PIEZO2: variants seen among roughly 807,000 people sequenced by gnomAD.
PIEZO2 encodes piezo type mechanosensitive ion channel component 2, also known as piezo-type mechanosensitive ion channel component 2.
A neutral mutation model predicts 337.3 loss-of-function variants in PIEZO2; 172 were observed. The ratio of observed to expected loss-of-function variants is 0.51; its 90% confidence interval spans 0.45 to 0.58. The LOEUF is 0.58. Among genes scored for constraint, PIEZO2 ranks in the 20% least tolerant of loss-of-function variants. The pLI is 0.00. For missense variants in PIEZO2, 3,028 were observed against 3,391.3 expected (o/e 0.89, Z 2.66); for synonymous variants, 1,251 against 1,228.5 (o/e 1.02, Z -0.38).
intron 40 of PIEZO2, among the ~76,000 whole-genome samples, chr18:10,706,993 C>T (rs892481529): frequency 3.3e-5 from 5 of 152,132 alleles, no homozygotes; most frequent in African/African-American, 7.2e-5. Context: ...CTTGGCAGAG[C>T]GGCTCACGGC....
Position 10,682,299 on chromosome 18 carries a change from CAG to C in PIEZO2, c.7498-9_7498-8del. On this transcript the variant is annotated splice_polypyrimidine_tract_variant and splice_region_variant and intron_variant, in intron 49 of 55. Transcript: ENST00000674853. The surrounding 1 kb of genome is among the most constrained non-coding windows in gnomAD (Gnocchi z 5.6). ...CCCGTGGCTGAGGGTATCTCTGCAA[CAG>C]AGAGTTCAGACAAGGCTCAGGCTCA... 3 of 1,531,740 alleles carry C rather than the reference CAG, an allele frequency of 2.0e-6. No individual in the cohort carries two copies. The highest frequency in any genetic ancestry group is 2.6e-6 in the Non-Finnish European group (3 of 1,143,986). The allele number at this position is 1,531,740 out of a possible 1,614,324, so 94.9% of individuals were successfully genotyped here. A position where few individuals can be genotyped will look rare whatever the true frequency, so the allele number is the denominator to read the frequency against.
At chr18:10,719,169 A>G (rs1255324883) in intron 36 of PIEZO2, among the ~76,000 whole-genome samples, 1 of 152,164 alleles carries the variant, frequency 6.6e-6, no homozygotes, top group Non-Finnish European at 1.5e-5. Flanking sequence ...TTAAATTTGA[A>G]TGTAAGATAA....
chr18:10,737,294 A>AAACC (rs1555634857), intron 33 of PIEZO2, among the ~76,000 whole-genome samples: 3 of 146,124 alleles, frequency 2.1e-5, no homozygotes, highest in Admixed American at 6.7e-5. Context: ...TGAAAAAAAA[A>AAACC]AAACAAAAAA....
intron 1 of PIEZO2, among the ~76,000 whole-genome samples, chr18:11,100,270 C>T (rs1344572232): frequency 6.6e-6 from 1 of 152,204 alleles, no homozygotes; most frequent in East Asian, 1.9e-4. Flanking sequence ...TCCACAATCA[C>T]TTGATTCTCT....
chr18:10,843,791 C>T (rs891737720), intron 7 of PIEZO2, among the ~76,000 whole-genome samples: 2 of 152,182 alleles, frequency 1.3e-5, no homozygotes, highest in African/African-American at 2.4e-5. Flanking sequence ...GGTTCAAATG[C>T]TATGCATCCA....
At chr18:10,805,295 C>T (rs759046739) in intron 8 of PIEZO2, among the ~76,000 whole-genome samples, 1 of 152,248 alleles carries the variant, frequency 6.6e-6, no homozygotes, top group Non-Finnish European at 1.5e-5. Flanking sequence ...GAGTGAATTA[C>T]CTGAGCTCAG....
Position 10,953,939 on chromosome 18 carries a change from A to G in PIEZO2, c.286+25596T>C, listed in dbSNP as rs2033412372. Among the ~76,000 whole-genome samples the G allele has an allele frequency of 6.6e-6, 1 of 152,188 alleles. No homozygotes were observed. Among genetic ancestry groups the G allele is most frequent in the South Asian group, 2.1e-4 (1 of 4,832 alleles). On this transcript the variant is annotated intron_variant, in intron 3 of 55. Transcript: ENST00000674853. This position sits in a 1 kb window ranked among gnomAD's most constrained non-coding sequence, Gnocchi z 5.2. ...TGATTTGCGGCTGGCAGGGAACTGA[A>G]GTCTGTCAGATTGAGGACCAGGTGG...
At chr18:10,699,226 C>G (rs1261423664) in intron 43 of PIEZO2, 49 bp from the exon 44 acceptor site, 1 of 1,531,984 alleles carries the variant, frequency 6.5e-7, no homozygotes. Context: ...TCAGGTGGAA[C>G]CCTTGGTATT....
At chr18:10,829,482 A>G (rs2040777530) in intron 7 of PIEZO2, among the ~76,000 whole-genome samples, 1 of 152,196 alleles carries the variant, frequency 6.6e-6, no homozygotes. Flanking sequence ...AAATAAAAGC[A>G]TCCAATTTGG....
In PIEZO2 at chr18:11,031,535, ATTCTTC is replaced by A. The variant is rs2036738362; in HGVS notation, c.160+34586_160+34591del. On this transcript the variant is annotated intron_variant, in intron 2 of 55. Transcript: ENST00000674853. This position sits in a 1 kb window ranked among gnomAD's most constrained non-coding sequence, Gnocchi z 4.7. ...AACTTATACTATTTGATATTTTAAT[ATTCTTC>A]ACAGAGATGATATTCAAATTATGCT... is the stretch of plus-strand genomic sequence containing the variant. Among the ~76,000 whole-genome samples, 1 of 152,204 alleles carries A rather than the reference ATTCTTC, an allele frequency of 6.6e-6. No homozygotes were observed. The highest frequency in any genetic ancestry group is 6.5e-5 in the Admixed American group (1 of 15,280).
At chr18:10,758,237 A>G in intron 26 of PIEZO2, 103 bp from the exon 27 acceptor site, 1 of 1,299,328 alleles carries the variant, frequency 7.7e-7, no homozygotes, top group Non-Finnish European at 1.0e-6. Context: ...CCAGCTCCTA[A>G]GTGAGTTGTG....
chr18:11,124,094 G>C (rs988830614), intron 1 of PIEZO2, among the ~76,000 whole-genome samples: 3 of 152,170 alleles, frequency 2.0e-5, no homozygotes, highest in Non-Finnish European at 4.4e-5. Flanking sequence ...ACTAACCAGA[G>C]TTTAGGTAAG....
intron 20 of PIEZO2, among the ~76,000 whole-genome samples, chr18:10,770,753 T>G (rs1443645151): frequency 2.2e-5 from 3 of 134,278 alleles, no homozygotes; most frequent in Non-Finnish European, 4.8e-5. Flanking sequence ...CTTCCTTCCT[T>G]CCTTTTTCTG....
chr18:10,980,302 G>T lies in PIEZO2; in HGVS notation c.161-642C>A, dbSNP rs2034616787. On this transcript the variant is annotated intron_variant, in intron 2 of 55. Transcript: ENST00000674853. This position sits in a 1 kb window ranked among gnomAD's most constrained non-coding sequence, Gnocchi z 4.8. Reference sequence around the variant, plus strand: ...GGTTGCTATCATGGTTTTCTCAATTGGCACCAAAGAAATGTTTCATAAAGT... The same window carrying T: ...GGTTGCTATCATGGTTTTCTCAATTTGCACCAAAGAAATGTTTCATAAAGT... Among the ~76,000 whole-genome samples, 1 of 151,684 alleles carries T rather than the reference G, an allele frequency of 6.6e-6. No individual in the cohort carries two copies. The highest frequency in any genetic ancestry group is 1.5e-5 in the Non-Finnish European group (1 of 67,936).
intron 48 of PIEZO2, 58 bp downstream of exon 48, chr18:10,691,167 T>G: frequency 1.3e-6 from 2 of 1,549,224 alleles, no homozygotes; most frequent in Middle Eastern, 3.5e-4. Context: ...GGAATCAAAA[T>G]GCCTTTCCAC....
chr18:10,791,464 T>C, intron 13 of PIEZO2, 140 bp from the exon 14 acceptor site: 1 of 934,800 alleles, frequency 1.1e-6, no homozygotes, highest in Non-Finnish European at 1.4e-6. Context: ...TCAGGTCACC[T>C]GCTTGACTTC....
intron 1 of PIEZO2, among the ~76,000 whole-genome samples, chr18:11,073,429 T>G (rs1465972767): frequency 2.0e-4 from 30 of 152,202 alleles, no homozygotes; most frequent in Admixed American, 2.0e-3. Context: ...CCAGCTGCTG[T>G]GCTACATGTG....
intron 3 of PIEZO2, among the ~76,000 whole-genome samples, chr18:10,957,042 G>C (rs1387906610): frequency 6.6e-6 from 1 of 151,842 alleles, no homozygotes; most frequent in Non-Finnish European, 1.5e-5. Context: ...AGTATATGTG[G>C]TCAATTGATT....
chr18:10,741,856 A>C (rs73389024), intron 32 of PIEZO2, among the ~76,000 whole-genome samples: 2,867 of 152,274 alleles, frequency 0.019, 84 homozygotes, highest in African/African-American at 0.063. Flanking sequence ...TATCCCTTAA[A>C]GAAACAAATT....
Sources: gnomAD v4.1 joint callset for allele counts (sites outside exome capture counted in the v4.1 genomes callset) on GRCh38, gnomAD v4.1.1 for gene constraint, Gnocchi (gnomAD v3.1) non-coding constraint, MANE v1.5 for transcripts, NCBI Gene and HGNC (gene_info 2026-07-23, HGNC 2026-07-21) for gene names.